The following ARHGAP28 variants were observed in gnomAD, a reference collection of about 807,000 sequenced individuals.
ARHGAP28 encodes rho GTPase-activating protein 28.
Under a neutral mutation model 90.7 loss-of-function variants are expected in ARHGAP28, and 56 were observed. The ratio of observed to expected loss-of-function variants is 0.62; its 90% CI spans 0.50 to 0.77. The LOEUF is 0.77. Among genes scored for constraint, ARHGAP28 ranks in the 30% least tolerant of loss-of-function variants. ARHGAP28 has a pLI of 0.00. For missense variants in ARHGAP28, 869 were observed against 900.9 expected (o/e 0.96, Z 0.45); for synonymous variants, 308 against 323.3 (o/e 0.95, Z 0.51).
In ARHGAP28 at chr18:6,739,981, A is replaced by G. The variant is rs148577823; in HGVS notation, c.122+10038A>G. The stretch of plus-strand genomic sequence containing the variant: ...GCAATTCTCCTGCCTCAGCCTCCCA[A>G]GTAACTGGGATTATAGGCATGCGCC... On this transcript the variant is annotated intron_variant, in intron 1 of 17. Coordinates refer to ENST00000383472, the MANE Select transcript of ARHGAP28 (RefSeq NM_001366230.1). 1.7e-3 allele frequency among the ~76,000 whole-genome samples: 261 copies of G among 151,852 alleles called. 2 individuals are homozygous for G. The East Asian group carries it at 0.04, about 23-fold the overall frequency.
intron 9 of ARHGAP28, among the ~76,000 whole-genome samples, chr18:6,875,182 T>C (rs1428142391): frequency 6.6e-6 from 1 of 152,246 alleles, no homozygotes; most frequent in Non-Finnish European, 1.5e-5. Flanking sequence ...CAATAAATGC[T>C]AGTTAAACTA....
In ARHGAP28 at chr18:6,913,054, A is replaced by G. The variant is rs2057407233; in HGVS notation, c.*900A>G. 6.6e-6 allele frequency: 1 copy of G among 152,336 alleles called. No individual in the cohort carries two copies. Among genetic ancestry groups the G allele is most frequent in the Non-Finnish European group, 1.5e-5 (1 of 68,024 alleles). The allele number at this position is 152,336 out of a possible 1,614,324, so 9.4% of individuals were successfully genotyped here. ...TATAGACAGTCACTTCTGCAGTCCC[A>G]ATTTAAAAATGCAGAACTGCTTTAT... On this transcript the variant is annotated 3_prime_UTR_variant, in exon 18 of 18. Coordinates refer to ENST00000383472, the MANE Select transcript of ARHGAP28 (RefSeq NM_001366230.1).
chr18:6,866,635 T>C (rs1209061480), intron 5 of ARHGAP28, among the ~76,000 whole-genome samples: 1 of 152,222 alleles, frequency 6.6e-6, no homozygotes, highest in African/African-American at 2.4e-5. Context: ...TAAGTGTTAT[T>C]CTGTTCTTCT....
chr18:6,907,784 G>T (rs1440574776), intron 16 of ARHGAP28, among the ~76,000 whole-genome samples: 1 of 152,124 alleles, frequency 6.6e-6, no homozygotes, highest in Admixed American at 6.5e-5. Context: ...CTAGAGTTTT[G>T]TGAGATGTTA....
intron 14 of ARHGAP28, 77 bp from the exon 15 acceptor site, chr18:6,894,758 T>C: frequency 8.3e-7 from 1 of 1,200,842 alleles, no homozygotes; most frequent in Non-Finnish European, 1.2e-6. Flanking sequence ...TCCATAAAGA[T>C]TGTACCAGTT....
chr18:6,901,394 T>C (rs2057337511), intron 16 of ARHGAP28, among the ~76,000 whole-genome samples: 1 of 152,068 alleles, frequency 6.6e-6, no homozygotes, highest in Admixed American at 6.6e-5. Flanking sequence ...GCAGAGTGAC[T>C]TCCTTCCAAA....
At chr18:6,842,103 C>G (rs1022205200) in intron 3 of ARHGAP28, among the ~76,000 whole-genome samples, 12 of 152,134 alleles carry the variant, frequency 7.9e-5, no homozygotes, top group African/African-American at 2.9e-4. Context: ...AATCCCAGCA[C>G]TTTGGGAGGT....
intron 3 of ARHGAP28, among the ~76,000 whole-genome samples, chr18:6,848,872 A>C (rs1357183502): frequency 6.6e-6 from 1 of 152,156 alleles, no homozygotes; most frequent in East Asian, 1.9e-4. Context: ...TCTGTTTCCC[A>C]GTCTCCCCAT....
chr18:6,732,352 A>G (rs1192932132), intron 1 of ARHGAP28, among the ~76,000 whole-genome samples: 3 of 152,344 alleles, frequency 2.0e-5, no homozygotes, highest in South Asian at 2.1e-4. Flanking sequence ...TTTGGGTTAC[A>G]GAGATAAACG....
chr18:6,777,728 G>A (rs1247984325), intron 1 of ARHGAP28, among the ~76,000 whole-genome samples: 2 of 150,008 alleles, frequency 1.3e-5, no homozygotes, highest in Non-Finnish European at 1.5e-5. Flanking sequence ...CTGTCTCAAT[G>A]AATGAATGAA....
intron 16 of ARHGAP28, among the ~76,000 whole-genome samples, chr18:6,904,263 G>A (rs527609749): frequency 2.0e-5 from 3 of 152,104 alleles, no homozygotes; most frequent in Non-Finnish European, 2.9e-5. Context: ...GCGTGGTGGC[G>A]GGCACCTGTA....
rs184099643 is a variant in ARHGAP28 at position 6,828,327 on chromosome 18, A to G, written c.325+3363A>G. Among the ~76,000 whole-genome samples the G allele has an allele frequency of 8.4e-3, 1,277 of 152,236 alleles. 10 individuals are homozygous for G. The highest frequency in any genetic ancestry group is 0.016 in the Admixed American group (240 of 15,302). The stretch of plus-strand genomic sequence containing the variant: ...TACAGTCCAGCTTCGGCTCGGCATC[A>G]GAGGGAGACCGTGGAAAGAGAGGGA... On this transcript the variant is annotated intron_variant, in intron 2 of 17. Coordinates refer to ENST00000383472, the MANE Select transcript of ARHGAP28 (RefSeq NM_001366230.1).
intron 1 of ARHGAP28, among the ~76,000 whole-genome samples, chr18:6,792,317 T>C (rs1262543052): frequency 1.3e-5 from 2 of 152,216 alleles, no homozygotes; most frequent in African/African-American, 4.8e-5. Flanking sequence ...TCATCAGTTA[T>C]GCTCAATGAA....
At chr18:6,841,184 T>TCTCTCTC (rs2056815898) in intron 3 of ARHGAP28, among the ~76,000 whole-genome samples, 3 of 54,364 alleles carry the variant, frequency 5.5e-5, no homozygotes, top group African/African-American at 3.1e-4. Flanking sequence ...CTCTCTCCTC[T>TCTCTCTC]CTCTCTCTCT....
intron 4 of ARHGAP28, among the ~76,000 whole-genome samples, chr18:6,852,056 A>G (rs1049739765): frequency 3.9e-5 from 6 of 152,254 alleles, no homozygotes; most frequent in African/African-American, 1.4e-4. Flanking sequence ...AGTTAATTGC[A>G]TATATGGTAT....
At chr18:6,769,178 T>C (rs2056223347) in intron 1 of ARHGAP28, among the ~76,000 whole-genome samples, 1 of 151,966 alleles carries the variant, frequency 6.6e-6, no homozygotes, top group Non-Finnish European at 1.5e-5. Context: ...CAAGCTGATA[T>C]TAGACACAGG....
intron 7 of ARHGAP28, among the ~76,000 whole-genome samples, chr18:6,872,827 C>T (rs1376437736): frequency 6.6e-6 from 1 of 151,934 alleles, no homozygotes; most frequent in Non-Finnish European, 1.5e-5. Flanking sequence ...TCTGTATTTG[C>T]TTTTTTAAGA....
chr18:6,740,482 G>A (rs1007748614), intron 1 of ARHGAP28, among the ~76,000 whole-genome samples: 3 of 152,094 alleles, frequency 2.0e-5, no homozygotes, highest in Non-Finnish European at 4.4e-5. Flanking sequence ...TTTAGAAAAC[G>A]AATCCTAGGC....
chr18:6,794,901 T>G (rs913172233), intron 1 of ARHGAP28, among the ~76,000 whole-genome samples: 22 of 152,124 alleles, frequency 1.4e-4, no homozygotes, highest in Non-Finnish European at 2.9e-4. Flanking sequence ...CAGGCTGGTC[T>G]CGAACTCCTG....
Sources: allele counts gnomAD v4.1 joint callset (sites outside exome capture counted in the v4.1 genomes callset), GRCh38; gene constraint gnomAD v4.1.1; transcripts MANE v1.5; gene names NCBI Gene and HGNC (gene_info 2026-07-23, HGNC 2026-07-21).